Variants in KCNT2 observed in about 807,000 individuals in gnomAD.
The protein encoded by KCNT2 is potassium sodium-activated channel subfamily T member 2, also known as potassium channel subfamily T member 2.
Under a neutral mutation model 153.8 loss-of-function variants are expected in KCNT2, and 67 were observed. That is an observed-to-expected ratio of 0.44 (90% CI 0.36 to 0.53). The LOEUF (loss-of-function observed/expected upper bound fraction) is 0.53. Ranked by LOEUF, KCNT2 falls within the 20% of genes least tolerant of loss-of-function variation. The pLI, the probability that KCNT2 is intolerant of heterozygous loss-of-function variation, is 0.00. For missense variants in KCNT2, 975 were observed against 1,354.8 expected (o/e 0.72, Z 4.40); for synonymous variants, 500 against 458.8 (o/e 1.09, Z -1.15).
chr1:196,390,845 T>C (rs185592430), intron 13 of KCNT2, among the ~76,000 whole-genome samples: 2 of 150,630 alleles, frequency 1.3e-5, no homozygotes, highest in African/African-American at 2.4e-5. Context: ...ATAAGAATTG[T>C]CATCTCCACT....
intron 8 of KCNT2, among the ~76,000 whole-genome samples, chr1:196,447,790 TAAC>T (rs1049120959): frequency 9.3e-4 from 131 of 140,248 alleles, no homozygotes; most frequent in African/African-American, 3.1e-3. Flanking sequence ...ACAGAAGAAT[TAAC>T]AACGTTTTTT....
chr1:196,273,329 T>C, intron 25 of KCNT2: 1 of 586,102 alleles, frequency 1.7e-6, no homozygotes, highest in South Asian at 2.3e-5. Flanking sequence ...AAAACATTTA[T>C]ATGCATTTAA....
At chr1:196,433,572 A>G (rs1055466557) in intron 8 of KCNT2, among the ~76,000 whole-genome samples, 1 of 152,074 alleles carries the variant, frequency 6.6e-6, no homozygotes, top group African/African-American at 2.4e-5. Context: ...TACACTTAAA[A>G]TGAGTAAATT....
At chr1:196,424,062 T>A in intron 11 of KCNT2, among the ~76,000 whole-genome samples, 1 of 151,920 alleles carries the variant, frequency 6.6e-6, no homozygotes, top group East Asian at 1.9e-4. Context: ...AACTTGTTTT[T>A]TTAAATAGCT....
intron 21 of KCNT2, among the ~76,000 whole-genome samples, chr1:196,314,241 T>C (rs1662480212): frequency 6.6e-6 from 1 of 151,570 alleles, no homozygotes; most frequent in Non-Finnish European, 1.5e-5. Flanking sequence ...TTAAATAACA[T>C]GTTTAATTAA....
chr1:196,434,828 C>A (rs867340213), intron 8 of KCNT2, among the ~76,000 whole-genome samples: 1 of 151,534 alleles, frequency 6.6e-6, no homozygotes, highest in African/African-American at 2.4e-5. Context: ...TTACTTGATA[C>A]CCTGAGACCA....
chr1:196,285,179 T>C (rs1353133942), intron 23 of KCNT2, among the ~76,000 whole-genome samples: 4 of 152,300 alleles, frequency 2.6e-5, no homozygotes, highest in African/African-American at 9.6e-5. Flanking sequence ...TGTTGTAGTC[T>C]TTTCATATTT....
Position 196,457,718 on chromosome 1 carries a change from G to A in KCNT2, c.638+7575C>T, listed in dbSNP as rs147178877. 1.5e-3 allele frequency among the ~76,000 whole-genome samples: 224 copies of A among 152,036 alleles called. 2 individuals are homozygous for A. Among genetic ancestry groups the A allele is most frequent in the African/African-American group, 5.1e-3 (212 of 41,526 alleles). ...GAATGGAGGCCATTTATTATTGATC[G>A]TTAAGCTATCTATTTTTAGTCAAGG... On this transcript the variant is annotated intron_variant, in intron 8 of 27. Coordinates refer to ENST00000294725, the MANE Select transcript of KCNT2 (RefSeq NM_198503.5).
chr1:196,530,125 T>A (rs144005176), intron 1 of KCNT2, among the ~76,000 whole-genome samples: 77 of 152,058 alleles, frequency 5.1e-4, no homozygotes, highest in Non-Finnish European at 5.9e-4. Flanking sequence ...AAGTTTATTG[T>A]GGCCATAACA....
chr1:196,296,245 C>T (rs1467767747), intron 22 of KCNT2, among the ~76,000 whole-genome samples: 1 of 151,576 alleles, frequency 6.6e-6, no homozygotes, highest in African/African-American at 2.4e-5. Context: ...AAAAATATTA[C>T]ATAAATAAAT....
At chr1:196,565,838 G>A (rs566453391) in intron 1 of KCNT2, among the ~76,000 whole-genome samples, 1 of 151,612 alleles carries the variant, frequency 6.6e-6, no homozygotes, top group East Asian at 1.9e-4. Flanking sequence ...AGGCTGGAGA[G>A]ATGTTGGTTA....
intron 8 of KCNT2, among the ~76,000 whole-genome samples, chr1:196,440,569 G>A (rs983005866): frequency 7.9e-5 from 12 of 151,924 alleles, no homozygotes; most frequent in African/African-American, 2.7e-4. Context: ...CTTTGTCTTA[G>A]TAATTAAGAA....
chr1:196,311,460 A>G (rs980340080), intron 21 of KCNT2, among the ~76,000 whole-genome samples: 1 of 151,908 alleles, frequency 6.6e-6, no homozygotes, highest in African/African-American at 2.4e-5. Context: ...ACCTGTTTCA[A>G]TGTTTCCATT....
At chr1:196,250,506 T>G (rs1042685969) in intron 26 of KCNT2, among the ~76,000 whole-genome samples, 2 of 152,150 alleles carry the variant, frequency 1.3e-5, no homozygotes, top group Non-Finnish European at 2.9e-5. Flanking sequence ...AATTTAAGAC[T>G]ACTAACTATG....
Position 196,492,371 on chromosome 1 carries a change from G to A in KCNT2, c.96-30C>T, listed in dbSNP as rs1252140995. On this transcript the variant is annotated intron_variant, in intron 1 of 27. Coordinates refer to ENST00000294725, the MANE Select transcript of KCNT2 (RefSeq NM_198503.5). ...AAACAGAAAATAAAAACATGTAAAT[G>A]TATGCAAGCAACCATATCTTTATTT... 7 of 1,302,998 alleles carry A rather than the reference G, an allele frequency of 5.4e-6. No homozygotes were observed. In the East Asian group the frequency reaches 1.8e-4, roughly 33 times the overall value. 80.7% of individuals were successfully genotyped at this position (1,302,998 alleles called of 1,614,324 possible). A position where few individuals can be genotyped will look rare whatever the true frequency, so the allele number is the denominator to read the frequency against.
intron 16 of KCNT2, among the ~76,000 whole-genome samples, chr1:196,338,411 C>T (rs971245322): frequency 3.3e-5 from 5 of 151,922 alleles, no homozygotes; most frequent in Admixed American, 6.6e-5. Context: ...AATTTATTTT[C>T]TAAACTAGGA....
chr1:196,461,905 A>C (rs1677184886), intron 8 of KCNT2, among the ~76,000 whole-genome samples: 1 of 151,708 alleles, frequency 6.6e-6, no homozygotes, highest in Non-Finnish European at 1.5e-5. Flanking sequence ...GTGAAGGGAA[A>C]ATCTTTTTAA....
At chr1:196,432,047 T>G (rs893724276) in intron 8 of KCNT2, among the ~76,000 whole-genome samples, 8 of 151,986 alleles carry the variant, frequency 5.3e-5, no homozygotes, top group Non-Finnish European at 1.2e-4. Flanking sequence ...CAGGGCACGT[T>G]TGGGGCCTCA....
At chr1:196,565,396 A>C (rs1485336464) in intron 1 of KCNT2, among the ~76,000 whole-genome samples, 1 of 151,722 alleles carries the variant, frequency 6.6e-6, no homozygotes, top group Non-Finnish European at 1.5e-5. Context: ...ACTTCAAAAA[A>C]ATAAAAAAAT....
Sources: allele counts gnomAD v4.1 joint callset (sites outside exome capture counted in the v4.1 genomes callset), GRCh38; gene constraint gnomAD v4.1.1; transcripts MANE v1.5; gene names NCBI Gene and HGNC (gene_info 2026-07-23, HGNC 2026-07-21).